FBN3: variants seen among roughly 807,000 people sequenced by gnomAD.
The protein encoded by FBN3 is fibrillin-3.
A neutral mutation model predicts 330.1 loss-of-function variants in FBN3; 234 were observed. The ratio of observed to expected loss-of-function variants is 0.71; its 90% CI spans 0.64 to 0.79. The LOEUF (loss-of-function observed/expected upper bound fraction) is 0.79, where lower values mean the gene tolerates loss of function less well. Among genes scored for constraint, FBN3 ranks in the 30% least tolerant of loss-of-function variants. The pLI is 0.00. For synonymous variants in FBN3, 1,458 were observed against 1,517.3 expected, an observed-to-expected ratio of 0.96 and a Z score of 0.91; for missense variants, 3,606 against 3,886.9, an observed-to-expected ratio of 0.93 and a Z score of 1.92.
At position 8,111,781 on chromosome 19, in the gene FBN3, T is replaced by C. The variant is rs199723687; in HGVS notation, c.3962-11A>G. ...CGCATTCATCCAGGTCTGCAGGAGATGGAGCCCAGACCCCCCACCCCATGG... is the reference window on the plus strand; with the variant it reads ...CGCATTCATCCAGGTCTGCAGGAGACGGAGCCCAGACCCCCCACCCCATGG... On this transcript the variant is annotated splice_polypyrimidine_tract_variant and intron_variant, in intron 31 of 63. Transcript: ENST00000600128. 1.7e-5 allele frequency: 27 copies of C among 1,611,352 alleles called. No homozygotes were observed. Among genetic ancestry groups the C allele is most frequent in the Non-Finnish European group, 2.3e-5 (27 of 1,178,326 alleles).
At chr19:8,097,063 C>A in intron 42 of FBN3, 57 bp from the exon 43 acceptor site, 3 of 1,588,210 alleles carry the variant, frequency 1.9e-6, no homozygotes, top group South Asian at 2.3e-5. Context: ...CTGACAGAAT[C>A]AAACGTGAAA....
Position 8,112,020 on chromosome 19 carries a change from A to G in FBN3, c.3918T>C (p.Cys1306=), listed in dbSNP as rs777180193. The G allele has an allele frequency of 1.8e-5, 29 of 1,592,956 alleles. No homozygotes were observed. The highest frequency in any genetic ancestry group is 2.1e-5 in the Non-Finnish European group (25 of 1,165,802). ...CCCCCACCCAGCCTGGCAGGCACCTACAGCTGAAACTCCCCGGGATGTTGA... is the reference window on the plus strand; with the variant it reads ...CCCCCACCCAGCCTGGCAGGCACCTGCAGCTGAAACTCCCCGGGATGTTGA... ...SCLNIPGSFS[C]RCLPGWVGDG... The change falls in exon 31 of 64, where the codon TGT becomes TGC. Residue 1306 remains cysteine, a synonymous_variant. Coordinates refer to ENST00000600128, the MANE Select transcript of FBN3 (RefSeq NM_032447.5).
rs1448487151 is a variant in FBN3, at chr19:8,091,735, G to A, written c.5906-145C>T. On this transcript the variant is annotated intron_variant, in intron 47 of 63. Transcript: ENST00000600128. ...CTGGGGTCCTGAGAGCTCAGTATGA[G>A]CTTCAGCACGAGGTGGGCATTGTGT... The A allele has an allele frequency of 3.6e-6, 3 of 822,122 alleles. No homozygotes were observed. In the East Asian group the frequency reaches 7.8e-5, roughly 21 times the overall value. 50.9% of individuals were successfully genotyped at this position (822,122 alleles called of 1,614,324 possible). A position where few individuals can be genotyped will look rare whatever the true frequency, so the allele number is the denominator to read the frequency against.
chr19:8,104,676 C>A (rs1370001965), intron 38 of FBN3, among the ~76,000 whole-genome samples: 2 of 152,000 alleles, frequency 1.3e-5, no homozygotes, highest in Non-Finnish European at 1.5e-5. Flanking sequence ...CTGGTCATTA[C>A]TCTAGTCCAG....
intron 32 of FBN3, 63 bp from the exon 33 acceptor site, chr19:8,111,246 A>G (rs2082575607): frequency 6.6e-7 from 1 of 1,518,396 alleles, no homozygotes; most frequent in Non-Finnish European, 8.8e-7. Context: ...CAGGGTGGGC[A>G]GGAGGCCCCA....
At chr19:8,137,982 C>T (rs1363878017) in intron 10 of FBN3, among the ~76,000 whole-genome samples, 159 bp downstream of exon 10, 2 of 152,206 alleles carry the variant, frequency 1.3e-5, no homozygotes, top group Non-Finnish European at 2.9e-5. Context: ...CCATCCACTA[C>T]TAGCACTGTC....
chr19:8,130,384 G>C (rs2083095496), intron 16 of FBN3, among the ~76,000 whole-genome samples: 1 of 147,664 alleles, frequency 6.8e-6, no homozygotes, highest in South Asian at 2.2e-4. Flanking sequence ...GGAGCTGCAT[G>C]CCTGTAATCC....
rs1413219584 is a variant in FBN3 at position 8,136,023 on chromosome 19, C to T, written c.1529G>A (p.Gly510Asp). 3.1e-6 allele frequency: 5 copies of T among 1,595,740 alleles called. No homozygotes were observed. In the African/African-American group the frequency reaches 6.8e-5, roughly 22 times the overall value. ...TGCATTGCAGACACACTGGAAGCTG[C>T]CCTCTGTGTTGACACAGCGGCCCAG... ...CHLGRCVNTEGSFQCVCNAGF... is the reference protein window; with the variant it reads ...CHLGRCVNTEDSFQCVCNAGF... Residue 510 changes from glycine (G) to aspartate (D), a missense_variant, in exon 13 of 64, where the codon GGC (glycine) becomes GAC (aspartate). Coordinates refer to ENST00000600128, the MANE Select transcript of FBN3 (RefSeq NM_032447.5).
rs1435921768 is a variant in FBN3, at chr19:8,123,811, A to G, written c.2929T>C (p.Phe977Leu). 1.2e-6 allele frequency: 2 copies of G among 1,613,392 alleles called. No homozygotes were observed. The highest frequency in any genetic ancestry group is 8.5e-7 in the Non-Finnish European group (1 of 1,179,926). ...TTATAGAATGGTCGGCCAGACAGGA[A>G]GTCCCGGCTGGCGAAGCCCAGCCCC... ...PRGLGFASRD[F>L]LSGRPFYKDV... Residue 977 changes from phenylalanine (F) to leucine (L), a missense_variant, in exon 23 of 64, where the codon TTC (phenylalanine) becomes CTC (leucine). Physicochemically the swap from Phe to Leu is conservative, Grantham distance 22. Transcript: ENST00000600128.
intron 38 of FBN3, 94 bp downstream of exon 38, chr19:8,106,013 GC>G: frequency 6.8e-7 from 1 of 1,463,200 alleles, no homozygotes. Context: ...TTTCCATGAG[GC>G]CTTCCCTCCT....
Position 8,132,983 on chromosome 19 carries a change from C to A in FBN3, c.1714+1G>T. ...GCTGGCCAGTCTGGCTCCAGGCTCA[C>A]CCATGCAGTAGTGGCCGCCAGGCGC... On this transcript the variant is annotated splice_donor_variant, in intron 14 of 63. Transcript: ENST00000600128. LOFTEE classifies it high-confidence loss of function. The A allele has an allele frequency of 6.4e-7, 1 of 1,554,478 alleles. No individual in the cohort carries two copies. The highest frequency in any genetic ancestry group is 1.2e-5 in the South Asian group (1 of 84,686).
chr19:8,074,965 G>T, intron 61 of FBN3, 106 bp downstream of exon 61: 1 of 1,449,512 alleles, frequency 6.9e-7, no homozygotes, highest in Non-Finnish European at 9.3e-7. Context: ...TCAATCTTTA[G>T]ATAATTGTGC....
At chr19:8,076,931 T>C (rs990754586) in intron 59 of FBN3, among the ~76,000 whole-genome samples, 2 of 152,098 alleles carry the variant, frequency 1.3e-5, no homozygotes, top group African/African-American at 2.4e-5. Flanking sequence ...CTGGCTAATT[T>C]TTGTATTTTT....
intron 6 of FBN3, among the ~76,000 whole-genome samples, chr19:8,144,089 C>G (rs541177466): frequency 1.3e-3 from 200 of 152,134 alleles, no homozygotes; most frequent in Non-Finnish European, 2.4e-3. Flanking sequence ...GGTGACCCCA[C>G]CTATCTTAGC....
intron 45 of FBN3, among the ~76,000 whole-genome samples, chr19:8,095,720 G>T (rs991921995): frequency 6.6e-6 from 1 of 152,002 alleles, no homozygotes; most frequent in Non-Finnish European, 1.5e-5. Flanking sequence ...GCCTCTAAGT[G>T]CCCCCTTAGC....
At chr19:8,102,626 A>G in intron 40 of FBN3, 98 bp downstream of exon 40, 1 of 1,222,740 alleles carries the variant, frequency 8.2e-7, no homozygotes, top group Non-Finnish European at 1.2e-6. Context: ...TCATCAGAAC[A>G]AGGAGGATTA....
At chr19:8,141,451 G>A (rs1412241004) in intron 8 of FBN3, among the ~76,000 whole-genome samples, 1 of 152,002 alleles carries the variant, frequency 6.6e-6, no homozygotes, top group African/African-American at 2.4e-5. Flanking sequence ...CAGCCCCTCG[G>A]TTCACTCAGG....
intron 37 of FBN3, among the ~76,000 whole-genome samples, chr19:8,107,014 T>TG (rs549041963): frequency 3.2e-4 from 47 of 145,314 alleles, no homozygotes; most frequent in Non-Finnish European, 5.9e-4. Context: ...AGATGAAGGA[T>TG]GGGGGGTGGA....
intron 1 of FBN3, among the ~76,000 whole-genome samples, chr19:8,148,513 C>A (rs1175170930): frequency 6.6e-6 from 1 of 152,216 alleles, no homozygotes; most frequent in Admixed American, 6.5e-5. Flanking sequence ...GAACGGAACT[C>A]GCTCCTGCCC....
Sources: gnomAD v4.1 joint callset for allele counts (sites outside exome capture counted in the v4.1 genomes callset) on GRCh38, gnomAD v4.1.1 for gene constraint, MANE v1.5 for transcripts, NCBI Gene and HGNC (gene_info 2026-07-23, HGNC 2026-07-21) for gene names.